Variants in SYT1 observed in about 807,000 individuals in gnomAD.
SYT1 encodes synaptotagmin 1, also known as synaptotagmin-1.
Under a neutral mutation model 44.8 loss-of-function variants are expected in SYT1, and 8 were observed. The ratio of observed to expected loss-of-function variants is 0.18; its 90% CI spans 0.10 to 0.32. The LOEUF is 0.32. Ranked by LOEUF, SYT1 falls within the 10% of genes least tolerant of loss-of-function variation. The pLI is 1.00. For missense variants in SYT1, 286 were observed against 509.3 expected, an observed-to-expected ratio of 0.56 and a Z score of 4.22; for synonymous variants, 154 against 188.8, an observed-to-expected ratio of 0.82 and a Z score of 1.51.
rs150321081 is a variant in SYT1, at chr12:79,226,154, T to A, written c.166+8469T>A. ...TTGAGGCCTTAATATGCTGACAAAT[T>A]TAAGCATCTTACTAAATCATACATT... On this transcript the variant is annotated intron_variant, in intron 4 of 10. Coordinates refer to ENST00000261205, the MANE Select transcript of SYT1 (RefSeq NM_005639.3). Among the ~76,000 whole-genome samples the A allele has an allele frequency of 8.8e-3, 674 of 76,744 alleles. 1 individual carries two copies. The highest frequency in any genetic ancestry group is 0.038 in the African/African-American group (641 of 16,832). The allele number at this position is 76,744 out of a possible 152,430, so 50.3% of individuals were successfully genotyped here. A position where few individuals can be genotyped will look rare whatever the true frequency, so the allele number is the denominator to read the frequency against.
intron 2 of SYT1, among the ~76,000 whole-genome samples, chr12:78,987,179 T>C (rs1869700771): frequency 6.6e-6 from 1 of 152,092 alleles, no homozygotes; most frequent in Admixed American, 6.6e-5. Context: ...GAAGGCATTA[T>C]ATCATTATGA....
intron 10 of SYT1, among the ~76,000 whole-genome samples, chr12:79,447,384 GA>G (rs1337937057): frequency 6.6e-6 from 1 of 152,114 alleles, no homozygotes; most frequent in Non-Finnish European, 1.5e-5. Context: ...AATGTATTAT[GA>G]AAGAAGCAAA....
chr12:79,442,506 TCTC>T (rs1431685306), intron 9 of SYT1, among the ~76,000 whole-genome samples: 1 of 152,148 alleles, frequency 6.6e-6, no homozygotes, highest in Non-Finnish European at 1.5e-5. Context: ...TTTAAAAAAA[TCTC>T]CTAACAACAT....
chr12:79,038,901 T>C (rs1873320850), intron 2 of SYT1, among the ~76,000 whole-genome samples: 1 of 152,004 alleles, frequency 6.6e-6, no homozygotes, highest in Non-Finnish European at 1.5e-5. Context: ...GCTTGATATA[T>C]TTAAAACAAA....
At chr12:79,100,176 T>C (rs977957612) in intron 3 of SYT1, among the ~76,000 whole-genome samples, 6 of 152,114 alleles carry the variant, frequency 3.9e-5, no homozygotes, top group Admixed American at 3.9e-4. Context: ...TTAATATTAT[T>C]TTGTTGAGTA....
At chr12:79,191,594 G>A (rs535291465) in intron 3 of SYT1, among the ~76,000 whole-genome samples, 7 of 152,106 alleles carry the variant, frequency 4.6e-5, no homozygotes, top group Middle Eastern at 3.4e-3. Context: ...ATACACATGA[G>A]GATATGTGGG....
At chr12:79,402,580 A>G (rs982178606) in intron 9 of SYT1, among the ~76,000 whole-genome samples, 6 of 152,138 alleles carry the variant, frequency 3.9e-5, no homozygotes, top group African/African-American at 1.2e-4. Context: ...ATTCAATCAC[A>G]TCGATGCCAG....
chr12:79,094,288 C>T (rs1172789690), intron 3 of SYT1, among the ~76,000 whole-genome samples: 1 of 151,196 alleles, frequency 6.6e-6, no homozygotes, highest in Non-Finnish European at 1.5e-5. Flanking sequence ...ACTTTAAAAC[C>T]AACAGCATTA....
intron 3 of SYT1, among the ~76,000 whole-genome samples, chr12:79,148,198 G>A (rs572764395): frequency 4.2e-4 from 64 of 152,248 alleles, no homozygotes; most frequent in Middle Eastern, 3.4e-3. Context: ...AAATGGCAGG[G>A]AAATTACAGC....
At chr12:79,091,383 G>C (rs900891726) in intron 3 of SYT1, among the ~76,000 whole-genome samples, 2 of 151,892 alleles carry the variant, frequency 1.3e-5, no homozygotes, top group African/African-American at 4.8e-5. Flanking sequence ...TTAATATGAG[G>C]CTTCTCTAAA....
chr12:79,397,724 T>C (rs1884926378), intron 9 of SYT1, among the ~76,000 whole-genome samples: 1 of 152,220 alleles, frequency 6.6e-6, no homozygotes, highest in Non-Finnish European at 1.5e-5. Flanking sequence ...TCTTTATCAT[T>C]CTTTTAGGTC....
At chr12:79,270,424 GTGGTGACCATAGCAA>G (rs1780974906) in intron 4 of SYT1, among the ~76,000 whole-genome samples, 1 of 152,128 alleles carries the variant, frequency 6.6e-6, no homozygotes, top group South Asian at 2.1e-4. Context: ...CTGAATTTTT[GTGGTGACCATAGCAA>G]TGGTATTACC....
chr12:79,412,339 T>G (rs2136136823), intron 9 of SYT1, among the ~76,000 whole-genome samples: 1 of 152,206 alleles, frequency 6.6e-6, no homozygotes, highest in East Asian at 1.9e-4. Flanking sequence ...CCCTATAAGG[T>G]AATATACCAG....
At chr12:79,289,098 C>T (rs369091104) in intron 5 of SYT1, among the ~76,000 whole-genome samples, 4 of 152,140 alleles carry the variant, frequency 2.6e-5, no homozygotes, top group African/African-American at 9.7e-5. Flanking sequence ...TCTAGTGCGC[C>T]TTATTAAATC....
chr12:79,023,932 T>C (rs1872357440), intron 2 of SYT1, among the ~76,000 whole-genome samples: 1 of 150,086 alleles, frequency 6.7e-6, no homozygotes. Context: ...CATTTTCTTA[T>C]ATAACCACAG....
intron 3 of SYT1, among the ~76,000 whole-genome samples, chr12:79,210,994 T>C (rs1367201040): frequency 6.6e-6 from 1 of 151,770 alleles, no homozygotes; most frequent in South Asian, 2.1e-4. Flanking sequence ...CAAGATCCAG[T>C]TTTCTCCAGA....
chr12:78,890,080 T>C (rs1451652603), intron 1 of SYT1, among the ~76,000 whole-genome samples: 1 of 151,966 alleles, frequency 6.6e-6, no homozygotes, highest in East Asian at 1.9e-4. Flanking sequence ...AGCAGACATA[T>C]CCATTTGAAT....
At chr12:78,949,154 T>C (rs1565732501) in intron 1 of SYT1, among the ~76,000 whole-genome samples, 1 of 151,708 alleles carries the variant, frequency 6.6e-6, no homozygotes, top group East Asian at 1.9e-4. Flanking sequence ...GGTATACCTC[T>C]GAGCTAATAT....
chr12:79,395,956 A>G (rs1354644254), intron 9 of SYT1, among the ~76,000 whole-genome samples: 1 of 152,196 alleles, frequency 6.6e-6, no homozygotes, highest in African/African-American at 2.4e-5. Flanking sequence ...GCCATTGACT[A>G]TTTTGTTATC....
Sources: allele counts gnomAD v4.1 joint callset (sites outside exome capture counted in the v4.1 genomes callset), GRCh38; gene constraint gnomAD v4.1.1; transcripts MANE v1.5; gene names NCBI Gene and HGNC (gene_info 2026-07-23, HGNC 2026-07-21).